PTPRN2: variants seen among roughly 807,000 people sequenced by gnomAD.
The protein encoded by PTPRN2 is protein tyrosine phosphatase receptor type N2, also known as receptor-type tyrosine-protein phosphatase N2.
PTPRN2 carries 74 observed loss-of-function variants against 118.8 expected under a neutral mutation model. The observed-to-expected ratio is 0.62, with a 90% CI of 0.52 to 0.76. PTPRN2 has a LOEUF of 0.76. Among genes scored for constraint, PTPRN2 ranks in the 30% least tolerant of loss-of-function variants. The probability of loss-of-function intolerance (pLI) is 0.00; values close to 1 mark genes in which losing one functional copy is unlikely to be tolerated. For missense variants in PTPRN2, 1,481 were observed against 1,394.4 expected (o/e 1.06, Z -0.99); for synonymous variants, 641 against 608.0 (o/e 1.05, Z -0.80).
intron 2 of PTPRN2, among the ~76,000 whole-genome samples, chr7:158,368,969 T>C (rs1809744437): frequency 6.6e-6 from 1 of 152,106 alleles, no homozygotes; most frequent in Non-Finnish European, 1.5e-5. Context: ...GAGATTCACA[T>C]TTGGGTCAGT....
intron 2 of PTPRN2, among the ~76,000 whole-genome samples, chr7:158,488,117 T>C (rs1193323590): frequency 1.3e-5 from 2 of 152,148 alleles, no homozygotes; most frequent in Non-Finnish European, 2.9e-5. Flanking sequence ...CTGGGGCTAC[T>C]TACGGCTCCA....
chr7:158,450,078 G>A (rs530475360), intron 2 of PTPRN2, among the ~76,000 whole-genome samples: 47 of 152,288 alleles, frequency 3.1e-4, no homozygotes, highest in African/African-American at 8.9e-4. Flanking sequence ...GCTTCTCACC[G>A]CGTCCTTACA....
intron 1 of PTPRN2, among the ~76,000 whole-genome samples, chr7:158,519,400 A>G (rs1370376563): frequency 6.6e-6 from 1 of 152,128 alleles, no homozygotes; most frequent in African/African-American, 2.4e-5. Context: ...ATAAGTAAAG[A>G]GGTGCTAGGG....
intron 11 of PTPRN2, among the ~76,000 whole-genome samples, chr7:157,910,087 C>T (rs549324546): frequency 2.0e-5 from 3 of 152,338 alleles, no homozygotes; most frequent in South Asian, 4.1e-4. Flanking sequence ...AAAGAGCCAA[C>T]GATAAAAGGA....
rs115847969 is a variant in PTPRN2, at chr7:157,808,893, T to C, written c.1788+89780A>G. ...TGCCTTGGACGATTCACATTTCACA[T>C]GGTCAGTCCCTGCAGCACCTCCCGA... On this transcript the variant is annotated intron_variant, in intron 12 of 22. Transcript: ENST00000389418. The surrounding 1 kb of genome is among the most constrained non-coding windows in gnomAD (Gnocchi z 5.0). 6.1e-3 allele frequency among the ~76,000 whole-genome samples: 925 copies of C among 152,300 alleles called. 5 individuals carry two copies. Among genetic ancestry groups the C allele is most frequent in the African/African-American group, 0.021 (867 of 41,556 alleles).
intron 2 of PTPRN2, among the ~76,000 whole-genome samples, chr7:158,452,588 G>A (rs575809298): frequency 1.3e-5 from 2 of 152,310 alleles, no homozygotes; most frequent in South Asian, 4.1e-4. Flanking sequence ...ACAGACTGTG[G>A]CATCTCAAGG....
rs370929883 is a variant in PTPRN2 at position 157,635,112 on chromosome 7, C to T, written c.2197-13603G>A. Among the ~76,000 whole-genome samples, 13 of 152,348 alleles carry T rather than the reference C, an allele frequency of 8.5e-5. No individual in the cohort carries two copies. In the East Asian group the frequency reaches 2.3e-3, roughly 27 times the overall value. ...AACGCCACGTATATTGAGTCAGTGC[C>T]ATTGGTTCAGTGGGAAGAATCATGA... On this transcript the variant is annotated intron_variant, in intron 14 of 22. Coordinates refer to ENST00000389418, the MANE Select transcript of PTPRN2 (RefSeq NM_002847.5).
intron 12 of PTPRN2, among the ~76,000 whole-genome samples, chr7:157,689,306 C>T (rs1308836340): frequency 1.3e-5 from 2 of 152,248 alleles, no homozygotes; most frequent in African/African-American, 4.8e-5. Context: ...ACACCCTGCG[C>T]TCCGGACTCC....
chr7:158,089,466 A>G (rs61653177), intron 10 of PTPRN2, among the ~76,000 whole-genome samples: 5 of 86,140 alleles, frequency 5.8e-5, no homozygotes, highest in African/African-American at 2.4e-4. Flanking sequence ...CTGATGAAGG[A>G]GGGAGTCTTC....
Position 157,772,824 on chromosome 7 carries a change from C to A in PTPRN2, c.1789-89887G>T, listed in dbSNP as rs373612017. Among the ~76,000 whole-genome samples the A allele has an allele frequency of 1.6e-4, 24 of 152,382 alleles. No individual in the cohort carries two copies. In the East Asian group the frequency reaches 4.1e-3, roughly 26 times the overall value. ...CATCTTCTTTCTTCTCTGGCCTCTG[C>A]GCCCCAGCTCCTTTGTGCGAGGTCC... On this transcript the variant is annotated intron_variant, in intron 12 of 22. Transcript: ENST00000389418.
intron 12 of PTPRN2, among the ~76,000 whole-genome samples, chr7:157,738,541 A>G (rs568086984): frequency 6.6e-6 from 1 of 152,366 alleles, no homozygotes; most frequent in South Asian, 2.1e-4. Flanking sequence ...TTTGTGGTGC[A>G]GCCAGCGGCT....
At chr7:158,229,196 G>A (rs1178193415) in intron 3 of PTPRN2, among the ~76,000 whole-genome samples, 1 of 152,010 alleles carries the variant, frequency 6.6e-6, no homozygotes, top group Non-Finnish European at 1.5e-5. Flanking sequence ...TGCCGAAAAG[G>A]AGACAGGGAC....
At chr7:157,650,932 G>A (rs997745313) in intron 14 of PTPRN2, among the ~76,000 whole-genome samples, 1 of 152,228 alleles carries the variant, frequency 6.6e-6, no homozygotes, top group Non-Finnish European at 1.5e-5. Flanking sequence ...AGGTGCACAG[G>A]CAGAGACACG....
intron 1 of PTPRN2, among the ~76,000 whole-genome samples, chr7:158,551,515 T>C (rs1174517572): frequency 3.7e-5 from 5 of 134,468 alleles, no homozygotes; most frequent in African/African-American, 1.4e-4. Context: ...TCCTAACCCA[T>C]TGCATCTGGA....
At chr7:158,448,591 C>T (rs1036367913) in intron 2 of PTPRN2, among the ~76,000 whole-genome samples, 5 of 152,168 alleles carry the variant, frequency 3.3e-5, no homozygotes, top group East Asian at 1.9e-4. Flanking sequence ...GCGGGAGGGC[C>T]GTAGCATGAG....
chr7:158,491,662 G>A (rs915199047), intron 1 of PTPRN2, among the ~76,000 whole-genome samples: 1 of 152,036 alleles, frequency 6.6e-6, no homozygotes, highest in East Asian at 1.9e-4. Flanking sequence ...ACTAATTTTT[G>A]TATTTTTAGT....
intron 2 of PTPRN2, among the ~76,000 whole-genome samples, chr7:158,351,178 G>C (rs1807903390): frequency 6.6e-6 from 1 of 152,208 alleles, no homozygotes; most frequent in South Asian, 2.1e-4. Context: ...GGGCACGGGT[G>C]AGGTGCAGGA....
At chr7:158,077,345 G>A (rs1234055525) in intron 11 of PTPRN2, among the ~76,000 whole-genome samples, 3 of 152,232 alleles carry the variant, frequency 2.0e-5, no homozygotes, top group Non-Finnish European at 4.4e-5. Context: ...GGACGTCACG[G>A]AAAGTCACCG....
rs574971682 is a variant in PTPRN2 at position 157,944,959 on chromosome 7, A to C, written c.1724-46222T>G. 1.2e-4 allele frequency among the ~76,000 whole-genome samples: 19 copies of C among 152,268 alleles called. No homozygotes were observed. In the South Asian group the frequency reaches 3.9e-3, roughly 32 times the overall value. ...CTGAAATAAACACCGTGCCGAATGG[A>C]GCCTGTGCAGCTCCCAGTGCTGTGA... On this transcript the variant is annotated intron_variant, in intron 11 of 22. Transcript: ENST00000389418. The surrounding 1 kb of genome is among the most constrained non-coding windows in gnomAD (Gnocchi z 4.3).
Sources: allele counts gnomAD v4.1 joint callset (sites outside exome capture counted in the v4.1 genomes callset), GRCh38; gene constraint gnomAD v4.1.1; non-coding constraint Gnocchi (gnomAD v3.1); transcripts MANE v1.5; gene names NCBI Gene and HGNC (gene_info 2026-07-23, HGNC 2026-07-21).